The following PIEZO2 variants were observed in gnomAD, a reference collection of about 807,000 sequenced individuals.
The protein encoded by PIEZO2 is piezo type mechanosensitive ion channel component 2.
A neutral mutation model predicts 337.3 loss-of-function variants in PIEZO2; 172 were observed. The observed-to-expected ratio is 0.51, with a 90% CI of 0.45 to 0.58. The LOEUF (loss-of-function observed/expected upper bound fraction) is 0.58, where lower values mean the gene tolerates loss of function less well. Among genes scored for constraint, PIEZO2 ranks in the 20% least tolerant of loss-of-function variants. The pLI, the probability that PIEZO2 is intolerant of heterozygous loss-of-function variation, is 0.00. For missense variants in PIEZO2, 3,028 were observed against 3,391.3 expected, an observed-to-expected ratio of 0.89 and a Z score of 2.66; for synonymous variants, 1,251 against 1,228.5, an observed-to-expected ratio of 1.02 and a Z score of -0.38.
chr18:10,718,212 ATT>A lies in PIEZO2; in HGVS notation c.5075_5076del (p.Lys1692IlefsTer6). On this transcript the variant is annotated frameshift_variant, in exon 37 of 56. Coordinates refer to ENST00000674853, the MANE Select transcript of PIEZO2 (RefSeq NM_001378183.1). LOFTEE classifies it high-confidence loss of function. ...EDREDEPIKK[K>X]SDGPDNIIKR... ...TTTATTTTGTTACCTGGTCCATCGGATTTCTTTTTGATTGGTTCATCCTCCCG... is the reference window on the plus strand; with the variant it reads ...TTTATTTTGTTACCTGGTCCATCGGATCTTTTTGATTGGTTCATCCTCCCG... The A allele has an allele frequency of 6.5e-7, 1 of 1,536,846 alleles. No homozygotes were observed. The highest frequency in any genetic ancestry group is 8.7e-7 in the Non-Finnish European group (1 of 1,146,586).
chr18:10,708,128 G>T (rs554892495), intron 40 of PIEZO2, 147 bp downstream of exon 40: 1 of 152,334 alleles, frequency 6.6e-6, no homozygotes, highest in African/African-American at 2.4e-5. Context: ...ACAGAGGGCA[G>T]TGGTGATTAT....
At chr18:11,055,210 C>CA (rs11390110) in intron 2 of PIEZO2, among the ~76,000 whole-genome samples, 48,795 of 79,740 alleles carry the variant, frequency 0.61, 14,756 homozygotes, top group East Asian at 0.91. Context: ...GACTCTGTCT[C>CA]AAAAAAAAAA....
chr18:10,731,215 A>ATATATATG (rs1290190163), intron 36 of PIEZO2, among the ~76,000 whole-genome samples, 192 bp downstream of exon 36: 10 of 128,720 alleles, frequency 7.8e-5, no homozygotes, highest in African/African-American at 2.9e-4. Flanking sequence ...ATATATATAT[A>ATATATATG]TATCTCCTAA....
chr18:10,691,069 A>C (rs2034800279), intron 48 of PIEZO2, among the ~76,000 whole-genome samples, 156 bp downstream of exon 48: 1 of 152,204 alleles, frequency 6.6e-6, no homozygotes, highest in African/African-American at 2.4e-5. Context: ...GTGTTTAAAG[A>C]GGCATATTTG....
Position 10,670,524 on chromosome 18 carries a change from C to G in PIEZO2, c.*1003G>C, listed in dbSNP as rs1268399483. ...AATTATGAACTTAAAAAACCCGTCT[C>G]AGATGTAAAAATGTGAATTGGAATA... On this transcript the variant is annotated 3_prime_UTR_variant, in exon 56 of 56. Transcript: ENST00000674853. 2 of 152,116 alleles carry G rather than the reference C, an allele frequency of 1.3e-5. No individual in the cohort carries two copies. The highest frequency in any genetic ancestry group is 2.9e-5 in the Non-Finnish European group (2 of 68,022). 9.4% of individuals were successfully genotyped at this position (152,116 alleles called of 1,614,324 possible).
Position 10,856,942 on chromosome 18 carries a change from A to G in PIEZO2, c.703+59T>C. The G allele has an allele frequency of 7.1e-7, 1 of 1,415,996 alleles. No homozygotes were observed. Among genetic ancestry groups the G allele is most frequent in the Non-Finnish European group, 9.6e-7 (1 of 1,039,326 alleles). 87.7% of individuals were successfully genotyped at this position (1,415,996 alleles called of 1,614,324 possible). A position where few individuals can be genotyped will look rare whatever the true frequency, so the allele number is the denominator to read the frequency against. ...CATTTCTTCTTCAACCATTTCTCTC[A>G]TTCACCAAAGCACTGCTTGTGCCTT... On this transcript the variant is annotated intron_variant, in intron 6 of 55. Coordinates refer to ENST00000674853, the MANE Select transcript of PIEZO2 (RefSeq NM_001378183.1). The surrounding 1 kb of genome is among the most constrained non-coding windows in gnomAD (Gnocchi z 4.7).
chr18:11,120,992 C>G (rs979523677), intron 1 of PIEZO2, among the ~76,000 whole-genome samples: 1 of 152,176 alleles, frequency 6.6e-6, no homozygotes, highest in African/African-American at 2.4e-5. Flanking sequence ...GTGGCTCACG[C>G]CTAAAATCCC....
intron 2 of PIEZO2, among the ~76,000 whole-genome samples, chr18:10,997,804 A>T (rs765878204): frequency 6.6e-6 from 1 of 152,024 alleles, no homozygotes; most frequent in South Asian, 2.1e-4. Context: ...TATCATTTGC[A>T]TCATTAGAGT....
rs530271435 is a variant in PIEZO2 at position 11,027,024 on chromosome 18, G to C, written c.160+39103C>G. The stretch of plus-strand genomic sequence containing the variant: ...ACTTATGTGTATGAGACAAGACTCT[G>C]CCCAAAAGTATTTTATAAGCCAATT... On this transcript the variant is annotated intron_variant, in intron 2 of 55. Coordinates refer to ENST00000674853, the MANE Select transcript of PIEZO2 (RefSeq NM_001378183.1). This position sits in a 1 kb window ranked among gnomAD's most constrained non-coding sequence, Gnocchi z 4.2. Among the ~76,000 whole-genome samples, 6 of 152,316 alleles carry C rather than the reference G, an allele frequency of 3.9e-5. No individual in the cohort carries two copies. The highest frequency in any genetic ancestry group is 1.4e-4 in the African/African-American group (6 of 41,574).
At chr18:10,732,147 T>C (rs1035897467) in intron 35 of PIEZO2, among the ~76,000 whole-genome samples, 1 of 152,170 alleles carries the variant, frequency 6.6e-6, no homozygotes, top group African/African-American at 2.4e-5. Flanking sequence ...GAGCTGAAAA[T>C]AGTTACATTA....
chr18:10,709,495 T>C (rs1446280345), intron 39 of PIEZO2: 1 of 152,290 alleles, frequency 6.6e-6, no homozygotes, highest in Non-Finnish European at 1.5e-5. Context: ...TTTAGAGATA[T>C]AGGTTGCCTG....
At position 10,821,724 on chromosome 18, in the gene PIEZO2, G is replaced by A. The variant is rs758233397; in HGVS notation, c.918-14450C>T. ...GATTCTACCCACAGCACCATCCTGC[G>A]CCCTCCCTGTCTCTCACCATTTACA... On this transcript the variant is annotated intron_variant, in intron 7 of 55. Coordinates refer to ENST00000674853, the MANE Select transcript of PIEZO2 (RefSeq NM_001378183.1). This position sits in a 1 kb window ranked among gnomAD's most constrained non-coding sequence, Gnocchi z 4.2. Among the ~76,000 whole-genome samples, 6 of 152,048 alleles carry A rather than the reference G, an allele frequency of 3.9e-5. No individual in the cohort carries two copies. The highest frequency in any genetic ancestry group is 9.6e-5 in the African/African-American group (4 of 41,476).
At position 10,855,610 on chromosome 18, in the gene PIEZO2, ATTCACTTATCATTCAG is replaced by A. The variant is rs1568133543; in HGVS notation, c.704-60_704-45del. On this transcript the variant is annotated intron_variant, in intron 6 of 55. Coordinates refer to ENST00000674853, the MANE Select transcript of PIEZO2 (RefSeq NM_001378183.1). The surrounding 1 kb of genome is among the most constrained non-coding windows in gnomAD (Gnocchi z 4.9). ...ATCACAAAGTCAGGTAGAACTGGAA[ATTCACTTATCATTCAG>A]TGAATGTGACTATTTGAAATTATGT... The A allele has an allele frequency of 1.4e-6, 2 of 1,406,790 alleles. No homozygotes were observed. The highest frequency in any genetic ancestry group is 9.7e-7 in the Non-Finnish European group (1 of 1,034,056). 87.1% of individuals were successfully genotyped at this position (1,406,790 alleles called of 1,614,324 possible). A position where few individuals can be genotyped will look rare whatever the true frequency, so the allele number is the denominator to read the frequency against.
At chr18:11,040,604 A>G (rs1403269057) in intron 2 of PIEZO2, among the ~76,000 whole-genome samples, 1 of 152,234 alleles carries the variant, frequency 6.6e-6, no homozygotes, top group African/African-American at 2.4e-5. Context: ...GAAAATACAT[A>G]TTCTAATATG....
Position 10,716,630 on chromosome 18 carries a change from C to T in PIEZO2, c.5090-814G>A, listed in dbSNP as rs1434996346. Among the ~76,000 whole-genome samples, 3 of 151,564 alleles carry T rather than the reference C, an allele frequency of 2.0e-5. No homozygotes were observed. Among genetic ancestry groups the T allele is most frequent in the Non-Finnish European group, 2.9e-5 (2 of 68,028 alleles). On this transcript the variant is annotated intron_variant, in intron 37 of 55. Transcript: ENST00000674853. The surrounding 1 kb of genome is among the most constrained non-coding windows in gnomAD (Gnocchi z 4.1). ...TGTGGCCGCTGAACAGGAGATGCCA[C>T]GAGCACCTATGTTTCCCTCTCCGCC...
chr18:10,841,809 T>A lies in PIEZO2; in HGVS notation c.917+13544A>T, dbSNP rs530003213. Among the ~76,000 whole-genome samples, 6 of 152,326 alleles carry A rather than the reference T, an allele frequency of 3.9e-5. No individual in the cohort carries two copies. In the East Asian group the frequency reaches 1.2e-3, roughly 29 times the overall value. Reference sequence around the variant, plus strand: ...AGCTAATAGTATTGTAATTTTGGGTTGTAACTCCACTTATTTTTTTTACAG... The same window carrying A: ...AGCTAATAGTATTGTAATTTTGGGTAGTAACTCCACTTATTTTTTTTACAG... On this transcript the variant is annotated intron_variant, in intron 7 of 55. Coordinates refer to ENST00000674853, the MANE Select transcript of PIEZO2 (RefSeq NM_001378183.1).
In PIEZO2 at chr18:10,945,899, A is replaced by T. The variant is rs1011208066; in HGVS notation, c.286+33636T>A. Reference sequence around the variant, plus strand: ...AACACACTGAATGGGGATTAAAAGCAGATTAGACACTGCAAAAGAAAAGAT... The same window carrying T: ...AACACACTGAATGGGGATTAAAAGCTGATTAGACACTGCAAAAGAAAAGAT... On this transcript the variant is annotated intron_variant, in intron 3 of 55. Coordinates refer to ENST00000674853, the MANE Select transcript of PIEZO2 (RefSeq NM_001378183.1). The surrounding 1 kb of genome is among the most constrained non-coding windows in gnomAD (Gnocchi z 4.0). 6.6e-6 allele frequency among the ~76,000 whole-genome samples: 1 copy of T among 152,218 alleles called. No individual in the cohort carries two copies. Among genetic ancestry groups the T allele is most frequent in the Admixed American group, 6.5e-5 (1 of 15,280 alleles).
chr18:10,824,530 T>C lies in PIEZO2; in HGVS notation c.918-17256A>G, dbSNP rs1257464271. On this transcript the variant is annotated intron_variant, in intron 7 of 55. Transcript: ENST00000674853. The surrounding 1 kb of genome is among the most constrained non-coding windows in gnomAD (Gnocchi z 4.4). ...ACAGAGAAATTTAGATTTAGATTTC[T>C]AGATAACTTATGACATATATATGTA... 6.6e-6 allele frequency among the ~76,000 whole-genome samples: 1 copy of C among 152,190 alleles called. No individual in the cohort carries two copies. The highest frequency in any genetic ancestry group is 1.5e-5 in the Non-Finnish European group (1 of 68,022).
chr18:10,775,777 T>C lies in PIEZO2; in HGVS notation c.2535-1739A>G, dbSNP rs1273153871. 6.6e-6 allele frequency among the ~76,000 whole-genome samples: 1 copy of C among 152,134 alleles called. No homozygotes were observed. Among genetic ancestry groups the C allele is most frequent in the Admixed American group, 6.5e-5 (1 of 15,276 alleles). ...AAGGCTGATTTCTAGAAACTTGTAA[T>C]GGGACAAGATGCAGCTGCGGACAAA... is the stretch of plus-strand genomic sequence containing the variant. On this transcript the variant is annotated intron_variant, in intron 18 of 55. Transcript: ENST00000674853. The surrounding 1 kb of genome is among the most constrained non-coding windows in gnomAD (Gnocchi z 4.3).
Sources: gnomAD v4.1 joint callset for allele counts (sites outside exome capture counted in the v4.1 genomes callset) on GRCh38, gnomAD v4.1.1 for gene constraint, Gnocchi (gnomAD v3.1) non-coding constraint, MANE v1.5 for transcripts, NCBI Gene and HGNC (gene_info 2026-07-23, HGNC 2026-07-21) for gene names.